The following LRRIQ3 variants were observed in gnomAD, a reference collection of about 807,000 sequenced individuals.
The protein encoded by LRRIQ3 is leucine rich repeats and IQ motif containing 3, also known as leucine-rich repeat and IQ domain-containing protein 3.
A neutral mutation model predicts 59.3 loss-of-function variants in LRRIQ3; 75 were observed. The observed-to-expected ratio is 1.26, with a 90% confidence interval of 1.05 to 1.53. The LOEUF (loss-of-function observed/expected upper bound fraction) is 1.53, where lower values mean the gene tolerates loss of function less well. Ranked by LOEUF, LRRIQ3 falls within the 40% of genes most tolerant of loss-of-function variation. LRRIQ3 has a pLI of 0.00. For synonymous variants in LRRIQ3, 250 were observed against 231.3 expected, an observed-to-expected ratio of 1.08 and a Z score of -0.73; for missense variants, 831 against 710.0, an observed-to-expected ratio of 1.17 and a Z score of -1.94.
In LRRIQ3 at chr1:74,173,697, C is replaced by G. The variant is rs180869653; in HGVS notation, c.573+8841G>C. On this transcript the variant is annotated intron_variant, in intron 3 of 7. Transcript: ENST00000354431. ...TATTCAGTAACAAATTTTGTTTAGA[C>G]TTAATATTTTGTTTCAATTGAAACA... Among the ~76,000 whole-genome samples the G allele has an allele frequency of 4.8e-3, 722 of 151,852 alleles. 3 individuals are homozygous for G. The highest frequency in any genetic ancestry group is 7.5e-3 in the Non-Finnish European group (510 of 67,938).
At position 74,078,590 on chromosome 1, in the gene LRRIQ3, T is replaced by C. The variant is rs1377234704; in HGVS notation, c.868-3800A>G. 2.0e-5 allele frequency: 3 copies of C among 151,846 alleles called. No homozygotes were observed. In the East Asian group the frequency reaches 5.8e-4, roughly 29 times the overall value. The allele number at this position is 151,846 out of a possible 1,614,324, so 9.4% of individuals were successfully genotyped here. A position where few individuals can be genotyped will look rare whatever the true frequency, so the allele number is the denominator to read the frequency against. ...TAAAAGTAAATTAGTTAGGAATTTG[T>C]TATGTGATGTGACCCTAAGCTGTAT... On this transcript the variant is annotated intron_variant, in intron 5 of 7. Transcript: ENST00000354431.
chr1:74,113,733 A>C (rs1434926428), intron 4 of LRRIQ3, among the ~76,000 whole-genome samples: 1 of 152,092 alleles, frequency 6.6e-6, no homozygotes, highest in African/African-American at 2.4e-5. Flanking sequence ...AGATCAATAC[A>C]AGCTAAAATA....
rs980400319 is a variant in LRRIQ3, at chr1:74,183,708, T to C, written c.1-24A>G. On this transcript the variant is annotated intron_variant, in intron 1 of 7. Transcript: ENST00000354431. ...ATCTAGGAAAGATAAGAAAGTGCTT[T>C]GATTTTTTTTTCCACTTTCAAAAAT... is the stretch of plus-strand genomic sequence containing the variant. The C allele has an allele frequency of 5.0e-6, 7 of 1,412,358 alleles. No homozygotes were observed. The Admixed American group carries it at 1.1e-4, about 22-fold the overall frequency. 87.5% of individuals were successfully genotyped at this position (1,412,358 alleles called of 1,614,324 possible).
At chr1:74,118,527 CTCTT>C (rs1369969056) in intron 4 of LRRIQ3, among the ~76,000 whole-genome samples, 2 of 152,024 alleles carry the variant, frequency 1.3e-5, no homozygotes, top group African/African-American at 2.4e-5. Flanking sequence ...CTCTCTTGCT[CTCTT>C]TCTCTCTCGG....
chr1:74,066,824 A>C (rs1221909850), intron 6 of LRRIQ3, among the ~76,000 whole-genome samples: 1 of 152,104 alleles, frequency 6.6e-6, no homozygotes, highest in African/African-American at 2.4e-5. Flanking sequence ...ATTCAAACCT[A>C]AACTGGATGG....
chr1:74,099,406 A>C (rs546082323), intron 5 of LRRIQ3, among the ~76,000 whole-genome samples: 1 of 152,320 alleles, frequency 6.6e-6, no homozygotes, highest in South Asian at 2.1e-4. Flanking sequence ...AAATTGAGGC[A>C]ATAATTAATA....
rs1654059765 is a variant in LRRIQ3 at position 74,041,893 on chromosome 1, A to G, written c.1038T>C (p.Asp346=). ...TGAAAACTGATATCCTAAAACTGGT[A>G]TCCAATTTTTCATCCACAATTTCAT... ...SEDEIVDEKL[D]TSFRISVFKL... The change falls in exon 7 of 8, where the codon GAT becomes GAC. Residue 346 remains aspartate, a synonymous_variant. Coordinates refer to ENST00000354431, the MANE Select transcript of LRRIQ3 (RefSeq NM_001105659.2). 5.6e-6 allele frequency: 9 copies of G among 1,607,008 alleles called. No homozygotes were observed. The highest frequency in any genetic ancestry group is 5.1e-6 in the Non-Finnish European group (6 of 1,175,938).
chr1:74,092,988 A>G (rs952155832), intron 5 of LRRIQ3, among the ~76,000 whole-genome samples: 1 of 152,090 alleles, frequency 6.6e-6, no homozygotes, highest in African/African-American at 2.4e-5. Context: ...GTAGAGAACA[A>G]AAACCAGTAA....
intron 7 of LRRIQ3, among the ~76,000 whole-genome samples, chr1:74,033,016 G>A (rs563320412): frequency 2.9e-4 from 44 of 152,046 alleles, no homozygotes; most frequent in African/African-American, 7.5e-4. Flanking sequence ...AAATTTCGTT[G>A]GGAAATAGAT....
chr1:74,032,835 C>G (rs1222120828), intron 7 of LRRIQ3, among the ~76,000 whole-genome samples: 1 of 151,850 alleles, frequency 6.6e-6, no homozygotes, highest in African/African-American at 2.4e-5. Flanking sequence ...CCTTACATTA[C>G]TTGATTTTAA....
intron 5 of LRRIQ3, among the ~76,000 whole-genome samples, chr1:74,095,937 CTT>C (rs1351931297): frequency 6.6e-6 from 1 of 151,856 alleles, no homozygotes; most frequent in African/African-American, 2.4e-5. Flanking sequence ...CCCCTAAAAT[CTT>C]TTATTTATGT....
intron 5 of LRRIQ3, among the ~76,000 whole-genome samples, chr1:74,101,023 CA>C (rs1452442207): frequency 6.6e-6 from 1 of 152,078 alleles, no homozygotes; most frequent in Non-Finnish European, 1.5e-5. Flanking sequence ...TCTAAAACAC[CA>C]AAACCAATGG....
chr1:74,041,041 T>C (rs1453851693), intron 7 of LRRIQ3, among the ~76,000 whole-genome samples, 172 bp downstream of exon 7: 1 of 152,206 alleles, frequency 6.6e-6, no homozygotes, highest in Non-Finnish European at 1.5e-5. Flanking sequence ...AGTTATTTTA[T>C]TGCCTTATCT....
intron 7 of LRRIQ3, among the ~76,000 whole-genome samples, chr1:74,033,439 T>C (rs1025428316): frequency 6.6e-6 from 1 of 151,824 alleles, no homozygotes; most frequent in Non-Finnish European, 1.5e-5. Context: ...ATTTGGAGGA[T>C]ATGTGTGGTG....
intron 1 of LRRIQ3, among the ~76,000 whole-genome samples, chr1:74,190,813 A>G (rs1650717030): frequency 6.6e-6 from 1 of 152,172 alleles, no homozygotes; most frequent in African/African-American, 2.4e-5. Flanking sequence ...ATCACAGATA[A>G]TAACGACATT....
chr1:74,170,420 A>G (rs147577997), intron 3 of LRRIQ3, among the ~76,000 whole-genome samples: 25 of 152,294 alleles, frequency 1.6e-4, no homozygotes, highest in Non-Finnish European at 3.2e-4. Context: ...ATTGAAGAGA[A>G]TATCTTTTCT....
intron 1 of LRRIQ3, among the ~76,000 whole-genome samples, chr1:74,197,036 C>T (rs1315749556): frequency 4.6e-5 from 7 of 152,182 alleles, no homozygotes; most frequent in Admixed American, 6.5e-5. Context: ...CCTTTGGTTA[C>T]TTTCACTCAA....
At chr1:74,121,961 G>A (rs955177198) in intron 4 of LRRIQ3, among the ~76,000 whole-genome samples, 4 of 151,682 alleles carry the variant, frequency 2.6e-5, no homozygotes, top group African/African-American at 4.8e-5. Flanking sequence ...TATGTGTCAC[G>A]GTTTCTTAAT....
At chr1:74,150,599 C>T (rs1647868620) in intron 4 of LRRIQ3, among the ~76,000 whole-genome samples, 1 of 152,032 alleles carries the variant, frequency 6.6e-6, no homozygotes, top group African/African-American at 2.4e-5. Flanking sequence ...TCTGCTAAAA[C>T]CTAGTTTATT....
Sources: gnomAD v4.1 joint callset for allele counts (sites outside exome capture counted in the v4.1 genomes callset) on GRCh38, gnomAD v4.1.1 for gene constraint, MANE v1.5 for transcripts, NCBI Gene and HGNC (gene_info 2026-07-23, HGNC 2026-07-21) for gene names.